SLC12A7: variants seen among roughly 807,000 people sequenced by gnomAD.
The protein encoded by SLC12A7 is solute carrier family 12 member 7.
In SLC12A7, 100 loss-of-function variants were observed where a neutral mutation model predicts 120.6. The ratio of observed to expected loss-of-function variants is 0.83; its 90% CI spans 0.71 to 0.98. The LOEUF (loss-of-function observed/expected upper bound fraction) is 0.98. Ranked by LOEUF, SLC12A7 falls within the 50% of genes least tolerant of loss-of-function variation. The pLI, the probability that SLC12A7 is intolerant of heterozygous loss-of-function variation, is 0.00. For synonymous variants in SLC12A7, 760 were observed against 678.0 expected (o/e 1.12, Z -1.88); for missense variants, 1,373 against 1,548.1 (o/e 0.89, Z 1.90).
chr5:1,151,282 G>A, the SLC12A7 span, among the ~76,000 whole-genome samples: 3 of 152,216 alleles, frequency 2.0e-5, no homozygotes. This position sits in a 1 kb window ranked among gnomAD's most constrained non-coding sequence, Gnocchi z 6.2. Context: ...ACGCTCCACA[G>A]AGATGCAGAC....
intron 18 of SLC12A7, 123 bp downstream of exon 18, chr5:1,065,158 GAA>G: frequency 1.4e-6 from 1 of 734,700 alleles, no homozygotes. Flanking sequence ...CAGTGGGGAC[GAA>G]AAGGGGACAG....
chr5:1,107,959 A>G (rs946759704), intron 1 of SLC12A7, among the ~76,000 whole-genome samples: 2 of 151,654 alleles, frequency 1.3e-5, no homozygotes, highest in Non-Finnish European at 2.9e-5. Context: ...AACACCCAAC[A>G]CCGCGTGACC....
chr5:1,062,712 ACTGGGGGG>A (rs1736434732), intron 20 of SLC12A7, among the ~76,000 whole-genome samples: 1 of 104,140 alleles, frequency 9.6e-6, no homozygotes, highest in African/African-American at 3.2e-5. Context: ...GGACTGGGGG[ACTGGGGGG>A]CTGCGGGGCT....
rs1295858224 is a variant in SLC12A7 at position 1,051,002 on chromosome 5, C to T, written c.*1358G>A. On this transcript the variant is annotated 3_prime_UTR_variant, in exon 24 of 24. Coordinates refer to ENST00000264930, the MANE Select transcript of SLC12A7 (RefSeq NM_006598.3). ...TGGGGCCTCTAGTATATAGAAGCAA[C>T]CTCTTTATGGACAACCTTGTTACCA... The T allele has an allele frequency of 2.5e-6, 1 of 398,600 alleles. No homozygotes were observed. The highest frequency in any genetic ancestry group is 3.6e-5 in the East Asian group (1 of 28,084). The allele number at this position is 398,600 out of a possible 1,614,324, so 24.7% of individuals were successfully genotyped here.
chr5:1,057,838 G>C (rs1477306509), intron 21 of SLC12A7, among the ~76,000 whole-genome samples, 189 bp from the exon 22 acceptor site: 1 of 152,082 alleles, frequency 6.6e-6, no homozygotes, highest in Non-Finnish European at 1.5e-5. Context: ...CCTCCTCCCA[G>C]GCTTCCCGAC....
intron 1 of SLC12A7, among the ~76,000 whole-genome samples, chr5:1,098,105 A>ACCCAGCCCCCCTCTAACCCTCTGCACG (rs1741494474): frequency 2.3e-5 from 2 of 86,842 alleles, no homozygotes; most frequent in African/African-American, 1.0e-4. Context: ...CCCTCTGCAC[A>ACCCAGCCCCCCTCTAACCCTCTGCACG]CCCAGCCCCC....
At chr5:1,139,584 G>T in the SLC12A7 span, among the ~76,000 whole-genome samples, 1 of 152,258 alleles carries the variant, frequency 6.6e-6, no homozygotes, top group African/African-American at 2.4e-5. Context: ...TTGGGCAGTG[G>T]CCCTAGCGGG....
chr5:1,083,620 A>G, intron 8 of SLC12A7, 125 bp downstream of exon 8: 2 of 969,526 alleles, frequency 2.1e-6, no homozygotes, highest in Non-Finnish European at 3.1e-6. Flanking sequence ...GCAGCTGGGA[A>G]GGGGCTCGGC....
chr5:1,078,153 C>T (rs1416598841), intron 11 of SLC12A7, 146 bp from the exon 12 acceptor site: 3 of 987,484 alleles, frequency 3.0e-6, no homozygotes, highest in East Asian at 2.7e-5. Context: ...TCCCCGTTGG[C>T]TGAAACCTCC....
chr5:1,060,740 C>T (rs1005744753), intron 20 of SLC12A7, among the ~76,000 whole-genome samples: 1 of 152,222 alleles, frequency 6.6e-6, no homozygotes, highest in African/African-American at 2.4e-5. Context: ...ACAAACCAAC[C>T]TGGCACACAC....
Position 1,079,505 on chromosome 5 carries a change from A to C in SLC12A7, c.1298-9T>G. On this transcript the variant is annotated splice_polypyrimidine_tract_variant and intron_variant, in intron 9 of 23. Transcript: ENST00000264930. ...TGAACCCGCCATGATACCTGTGAAC[A>C]TGGAAAATGCTGCAAAGACCCATCT... 6.2e-7 allele frequency: 1 copy of C among 1,609,624 alleles called. No individual in the cohort carries two copies. The highest frequency in any genetic ancestry group is 8.5e-7 in the Non-Finnish European group (1 of 1,177,118).
chr5:1,105,981 G>T (rs936273274), intron 1 of SLC12A7, among the ~76,000 whole-genome samples: 12 of 152,202 alleles, frequency 7.9e-5, no homozygotes, highest in Non-Finnish European at 1.3e-4. Flanking sequence ...AGCACCCAGG[G>T]ACTCCTGCCC....
At chr5:1,078,052 C>T in intron 11 of SLC12A7, 45 bp from the exon 12 acceptor site, 6 of 1,519,560 alleles carry the variant, frequency 3.9e-6, no homozygotes, top group Non-Finnish European at 4.4e-6. Context: ...CAGAAGTGAG[C>T]CTGAGTCAGA....
At chr5:1,081,490 C>T (rs574925972) in intron 9 of SLC12A7, 87 bp downstream of exon 9, 1 of 1,413,932 alleles carries the variant, frequency 7.1e-7, no homozygotes, top group African/African-American at 1.4e-5. Context: ...CCACTGCCCT[C>T]CAGCCTGGGT....
At chr5:1,112,331 C>G, upstream of SLC12A7, among the ~76,000 whole-genome samples, 1 of 28,850 alleles carries the variant, frequency 3.5e-5, no homozygotes, top group Non-Finnish European at 6.5e-5. Context: ...TGGAACTCCC[C>G]GCCCTCCCCG....
intron 9 of SLC12A7, 31 bp downstream of exon 9, chr5:1,081,546 G>GAA: frequency 6.3e-7 from 1 of 1,585,164 alleles, no homozygotes; most frequent in Non-Finnish European, 8.6e-7. Flanking sequence ...GAGAAAGAAA[G>GAA]AGAAGGGGAA....
chr5:1,120,184 A>G, the SLC12A7 span, among the ~76,000 whole-genome samples: 1 of 152,274 alleles, frequency 6.6e-6, no homozygotes, highest in Non-Finnish European at 1.5e-5. Context: ...CATGCTCTTC[A>G]TAAGAGAAAG....
chr5:1,153,095 A>G, the SLC12A7 span, among the ~76,000 whole-genome samples: 1 of 152,218 alleles, frequency 6.6e-6, no homozygotes, highest in South Asian at 2.1e-4. Flanking sequence ...GGCTGGAGCC[A>G]TCCTCCTCCA....
chr5:1,084,159 C>CACTGGGGACCGGGGACTGGGGACCGGGG (rs571191749), intron 7 of SLC12A7, among the ~76,000 whole-genome samples: 2 of 151,506 alleles, frequency 1.3e-5, no homozygotes, highest in African/African-American at 4.9e-5. Context: ...CCAGGGATCA[C>CACTGGGGACCGGGGACTGGGGACCGGGG]ACTGGGGACC....
Sources: gnomAD v4.1 joint callset for allele counts (sites outside exome capture counted in the v4.1 genomes callset) on GRCh38, gnomAD v4.1.1 for gene constraint, Gnocchi (gnomAD v3.1) non-coding constraint, MANE v1.5 for transcripts, NCBI Gene and HGNC (gene_info 2026-07-23, HGNC 2026-07-21) for gene names.